The following ARHGAP32 variants were observed in gnomAD, a reference collection of about 807,000 sequenced individuals.
ARHGAP32 encodes the protein Rho GTPase activating protein 32, also known as rho GTPase-activating protein 32.
A neutral mutation model predicts 186.5 loss-of-function variants in ARHGAP32; 51 were observed. The observed-to-expected ratio is 0.27, with a 90% CI of 0.22 to 0.35. The LOEUF (loss-of-function observed/expected upper bound fraction) is 0.35. Among genes scored for constraint, ARHGAP32 ranks in the 10% least tolerant of loss-of-function variants. ARHGAP32 has a pLI of 1.00. For synonymous variants in ARHGAP32, 950 were observed against 964.3 expected (o/e 0.99, Z 0.27); for missense variants, 2,186 against 2,623.5 (o/e 0.83, Z 3.64).
intron 9 of ARHGAP32, among the ~76,000 whole-genome samples, chr11:129,062,621 A>G (rs767516574): frequency 6.6e-6 from 1 of 152,246 alleles, no homozygotes; most frequent in Non-Finnish European, 1.5e-5. Flanking sequence ...CCAGATTCAT[A>G]GCATAAGATT....
At chr11:129,201,051 A>G (rs1366104615) in intron 1 of ARHGAP32, among the ~76,000 whole-genome samples, 1 of 152,206 alleles carries the variant, frequency 6.6e-6, no homozygotes, top group Non-Finnish European at 1.5e-5. Flanking sequence ...ATTAACAACT[A>G]CAACAGAAAC....
intron 11 of ARHGAP32, among the ~76,000 whole-genome samples, chr11:129,026,679 G>C (rs1460581046): frequency 4.0e-5 from 6 of 151,832 alleles, no homozygotes; most frequent in Non-Finnish European, 8.8e-5. Flanking sequence ...TGTAATCTCA[G>C]CTACTCAGGA....
intron 2 of ARHGAP32, among the ~76,000 whole-genome samples, chr11:129,138,915 G>C (rs1459233924): frequency 6.6e-6 from 1 of 152,140 alleles, no homozygotes; most frequent in African/African-American, 2.4e-5. Flanking sequence ...GAAGAGATTT[G>C]CATAGTGTGT....
chr11:129,233,300 AACTAAGTGGGGGGT>A lies in ARHGAP32; in HGVS notation c.-5+45832_-5+45845del, dbSNP rs1944883566. Among the ~76,000 whole-genome samples, 3 of 152,106 alleles carry A rather than the reference AACTAAGTGGGGGGT, an allele frequency of 2.0e-5. No individual in the cohort carries two copies. In the East Asian group the frequency reaches 5.8e-4, roughly 29 times the overall value. ...TTGGTCACATATTAAAGACTTCTGA[AACTAAGTGGGGGGT>A]ACATAGGAGTTTATTATATTCTACA... On this transcript the variant is annotated intron_variant, in intron 1 of 6. Coordinates refer to the ARHGAP32 transcript ENST00000525234.
chr11:129,193,726 A>ATATATTATATATTATATAT (rs1555111394), upstream of ARHGAP32, among the ~76,000 whole-genome samples: 862 of 85,654 alleles, frequency 0.01, 26 homozygotes, highest in African/African-American at 0.036. Flanking sequence ...ATTATATATT[A>ATATATTATATATTATATAT]TATATAATAT....
chr11:129,245,714 C>T (rs922289113), intron 1 of ARHGAP32, among the ~76,000 whole-genome samples: 2 of 150,126 alleles, frequency 1.3e-5, no homozygotes, highest in African/African-American at 4.9e-5. Context: ...ATGAAGGTAA[C>T]AATTTTATTG....
rs1939561667 is a variant in ARHGAP32, at chr11:129,040,817, T to G, written c.1045+111A>C. 7 of 656,970 alleles carry G rather than the reference T, an allele frequency of 1.1e-5. No individual in the cohort carries two copies. In the South Asian group the frequency reaches 1.4e-4, roughly 14 times the overall value. The allele number at this position is 656,970 out of a possible 1,614,324, so 40.7% of individuals were successfully genotyped here. A position where few individuals can be genotyped will look rare whatever the true frequency, so the allele number is the denominator to read the frequency against. ...ATATAAAATTAAGAATGTTAATTAT[T>G]ATGCCTATAAATGCAAAACTAGCAA... On this transcript the variant is annotated intron_variant, in intron 11 of 22. Transcript: ENST00000682385.
chr11:129,279,601 T>A (rs1005275063), upstream of ARHGAP32, among the ~76,000 whole-genome samples: 2 of 144,178 alleles, frequency 1.4e-5, no homozygotes, highest in Admixed American at 1.4e-4. Context: ...CGCCTCCTCC[T>A]GCACCCGCGA....
At chr11:129,210,973 C>G (rs983762667) in intron 1 of ARHGAP32, among the ~76,000 whole-genome samples, 53 of 152,272 alleles carry the variant, frequency 3.5e-4, no homozygotes, top group African/African-American at 1.2e-3. Context: ...CACTCTGTTG[C>G]TACTTCAATT....
rs183521477 is a variant in ARHGAP32 at position 129,158,169 on chromosome 11, A to G, written c.225+6150T>C. ...ACACTATGAATAAACTGCATCAACTAACGGGCAAAATAACCAGCTAGCATC... is the reference window on the plus strand; with the variant it reads ...ACACTATGAATAAACTGCATCAACTGACGGGCAAAATAACCAGCTAGCATC... On this transcript the variant is annotated intron_variant, in intron 2 of 22. Coordinates refer to ENST00000682385, the MANE Select transcript of ARHGAP32 (RefSeq NM_001378024.1). Among the ~76,000 whole-genome samples, 5 of 152,332 alleles carry G rather than the reference A, an allele frequency of 3.3e-5. No individual in the cohort carries two copies. In the South Asian group the frequency reaches 6.2e-4, roughly 19 times the overall value.
chr11:129,214,311 C>G (rs775147207), intron 1 of ARHGAP32, among the ~76,000 whole-genome samples: 2 of 152,160 alleles, frequency 1.3e-5, no homozygotes, highest in African/African-American at 2.4e-5. Flanking sequence ...ACGTACCACA[C>G]TAATGTAAGA....
chr11:129,118,406 A>T (rs921318560), intron 5 of ARHGAP32, among the ~76,000 whole-genome samples: 12 of 152,058 alleles, frequency 7.9e-5, no homozygotes, highest in African/African-American at 2.7e-4. Flanking sequence ...TGGTATGAAA[A>T]ATACAGAAAA....
chr11:129,193,632 T>C (rs1591689129), upstream of ARHGAP32, among the ~76,000 whole-genome samples: 1 of 82,648 alleles, frequency 1.2e-5, no homozygotes, highest in Admixed American at 1.8e-4. Flanking sequence ...ATAATATATA[T>C]AATATATGTT....
intron 5 of ARHGAP32, among the ~76,000 whole-genome samples, chr11:129,101,577 G>A (rs1462385622): frequency 6.6e-6 from 1 of 152,148 alleles, no homozygotes; most frequent in African/African-American, 2.4e-5. Context: ...ATTAACAGCA[G>A]AACAGACCAA....
intron 1 of ARHGAP32, among the ~76,000 whole-genome samples, chr11:129,220,820 T>C (rs1944702305): frequency 6.6e-6 from 1 of 152,204 alleles, no homozygotes; most frequent in African/African-American, 2.4e-5. Context: ...TGCTCCAAGT[T>C]ATATTTTATT....
Position 128,967,047 on chromosome 11 carries a change from G to A in ARHGAP32, c.*1860C>T, listed in dbSNP as rs761739945. 6.6e-6 allele frequency: 1 copy of A among 152,194 alleles called. No homozygotes were observed. The highest frequency in any genetic ancestry group is 1.5e-5 in the Non-Finnish European group (1 of 68,038). 9.4% of individuals were successfully genotyped at this position (152,194 alleles called of 1,614,324 possible). Reference sequence around the variant, plus strand: ...TCCACAGACCTTTTCACATATGGGTGTTTCAAGGTTTCTACTACAGTTTTT... The same window carrying A: ...TCCACAGACCTTTTCACATATGGGTATTTCAAGGTTTCTACTACAGTTTTT... On this transcript the variant is annotated 3_prime_UTR_variant, in exon 23 of 23. Coordinates refer to ENST00000682385, the MANE Select transcript of ARHGAP32 (RefSeq NM_001378024.1).
At chr11:129,175,297 A>G (rs2135517174) in intron 1 of ARHGAP32, among the ~76,000 whole-genome samples, 1 of 52,324 alleles carries the variant, frequency 1.9e-5, no homozygotes, top group African/African-American at 8.1e-5. Flanking sequence ...CTATGTGAAA[A>G]GACCAAATCT....
chr11:129,017,250 T>G (rs1052462109), intron 11 of ARHGAP32, among the ~76,000 whole-genome samples: 15 of 152,268 alleles, frequency 9.9e-5, no homozygotes, highest in African/African-American at 3.4e-4. Context: ...GGTCAGGAGT[T>G]CGAGACCAGC....
intron 11 of ARHGAP32, among the ~76,000 whole-genome samples, chr11:129,028,088 A>G (rs1465334603): frequency 1.3e-5 from 2 of 152,248 alleles, no homozygotes; most frequent in African/African-American, 4.8e-5. Context: ...ATAATTACCA[A>G]TCAAGAACTG....
Sources: gnomAD v4.1 joint callset for allele counts (sites outside exome capture counted in the v4.1 genomes callset) on GRCh38, gnomAD v4.1.1 for gene constraint, MANE v1.5 for transcripts, NCBI Gene and HGNC (gene_info 2026-07-23, HGNC 2026-07-21) for gene names.